TMEM132D: variants seen among roughly 807,000 people sequenced by gnomAD.
TMEM132D encodes mature OL transmembrane protein.
TMEM132D carries 21 observed loss-of-function variants against 62.3 expected under a neutral mutation model. The observed-to-expected ratio is 0.34, with a 90% confidence interval of 0.24 to 0.49. TMEM132D has a LOEUF of 0.49. Ranked by LOEUF, TMEM132D falls within the 20% of genes least tolerant of loss-of-function variation. The pLI, the probability that TMEM132D is intolerant of heterozygous loss-of-function variation, is 0.99. For missense variants in TMEM132D, 1,346 were observed against 1,402.8 expected (o/e 0.96, Z 0.65); for synonymous variants, 621 against 575.6 (o/e 1.08, Z -1.13).
chr12:129,353,024 C>T (rs896922812), intron 3 of TMEM132D, among the ~76,000 whole-genome samples: 1 of 152,080 alleles, frequency 6.6e-6, no homozygotes, highest in Admixed American at 6.5e-5. Flanking sequence ...ATCCAAGAAC[C>T]CTCTCTTGGG....
chr12:129,422,095 T>TAAAAAAA (rs10633587), intron 3 of TMEM132D, among the ~76,000 whole-genome samples: 45 of 139,532 alleles, frequency 3.2e-4, no homozygotes, highest in African/African-American at 1.1e-3. Flanking sequence ...ACAGCAATGT[T>TAAAAAAA]AAAAAAAAAA....
intron 2 of TMEM132D, among the ~76,000 whole-genome samples, chr12:129,555,587 C>T (rs1169014724): frequency 2.0e-5 from 3 of 152,134 alleles, no homozygotes; most frequent in Non-Finnish European, 4.4e-5. Flanking sequence ...ACTTATTTTG[C>T]AGATCATATT....
At chr12:129,790,623 TG>T (rs940115461) in intron 1 of TMEM132D, among the ~76,000 whole-genome samples, 3 of 151,882 alleles carry the variant, frequency 2.0e-5, no homozygotes, top group Non-Finnish European at 2.9e-5. Context: ...CGGCACAGGA[TG>T]GGGGGGCAGG....
At position 129,653,322 on chromosome 12, in the gene TMEM132D, T is replaced by G. The variant is rs965723268; in HGVS notation, c.968+46488A>C. ...CACACAGCCAGGGCTTCCGGCTAAGTGCAATGTGAAGGTGCTGGAACAGCT... is the reference window on the plus strand; with the variant it reads ...CACACAGCCAGGGCTTCCGGCTAAGGGCAATGTGAAGGTGCTGGAACAGCT... On this transcript the variant is annotated intron_variant, in intron 2 of 8. Coordinates refer to ENST00000422113, the MANE Select transcript of TMEM132D (RefSeq NM_133448.3). Among the ~76,000 whole-genome samples the G allele has an allele frequency of 1.5e-3, 227 of 152,104 alleles. 4 individuals carry two copies. The highest frequency in any genetic ancestry group is 3.4e-4 in the Non-Finnish European group (23 of 68,038).
In TMEM132D at chr12:129,700,069, C is replaced by T. The variant is rs766335074; in HGVS notation, c.709G>A (p.Gly237Arg). The T allele has an allele frequency of 1.9e-6, 3 of 1,613,672 alleles. No homozygotes were observed. Among genetic ancestry groups the T allele is most frequent in the Middle Eastern group, 1.6e-4 (1 of 6,084 alleles). Reference sequence around the variant, plus strand: ...CTCGCGTCTTCCCTGACGCAGTCCCCTCTCTCACCCCCTGGGTGCACGGTG... The same window carrying T: ...CTCGCGTCTTCCCTGACGCAGTCCCTTCTCTCACCCCCTGGGTGCACGGTG... ...YYTVHPGGER[G>R]DCVREDARRS... Residue 237 changes from glycine (G) to arginine (R), a missense_variant, in exon 2 of 9, where the codon GGG becomes AGG. Coordinates refer to ENST00000422113, the MANE Select transcript of TMEM132D (RefSeq NM_133448.3).
At chr12:129,524,695 T>C (rs892049298) in intron 3 of TMEM132D, among the ~76,000 whole-genome samples, 2 of 151,794 alleles carry the variant, frequency 1.3e-5, no homozygotes, top group African/African-American at 4.8e-5. Context: ...TAAATCTTAT[T>C]AGCCAGATAC....
chr12:129,809,785 T>G (rs1292007733), intron 1 of TMEM132D, among the ~76,000 whole-genome samples: 1 of 152,092 alleles, frequency 6.6e-6, no homozygotes, highest in Non-Finnish European at 1.5e-5. Flanking sequence ...ATATACATGA[T>G]GAAAAGTAGC....
intron 4 of TMEM132D, chr12:129,262,256 T>C (rs1880569101): frequency 6.6e-6 from 1 of 152,250 alleles, no homozygotes; most frequent in African/African-American, 2.4e-5. Flanking sequence ...TTGAAAATAT[T>C]AGTGCACAGA....
intron 4 of TMEM132D, among the ~76,000 whole-genome samples, chr12:129,238,614 A>C (rs1334942922): frequency 6.6e-6 from 1 of 152,242 alleles, no homozygotes; most frequent in South Asian, 2.1e-4. Flanking sequence ...TTCACTTAGA[A>C]AAATGTCCTC....
At position 129,073,551 on chromosome 12, in the gene TMEM132D, ATTGCT is replaced by A. The variant is rs1457635464; in HGVS notation, c.*319_*323del. 4.1e-6 allele frequency: 1 copy of A among 244,712 alleles called. No homozygotes were observed. The highest frequency in any genetic ancestry group is 5.2e-5 in the Admixed American group (1 of 19,370). 15.2% of individuals were successfully genotyped at this position (244,712 alleles called of 1,614,324 possible). On this transcript the variant is annotated 3_prime_UTR_variant, in exon 9 of 9. Transcript: ENST00000422113. Reference sequence around the variant, plus strand: ...GCCATGTGGATTTTACAATATCCAAATTGCTTTGATTCGAGAGAGAGAGGCTGTTC... The same window carrying A: ...GCCATGTGGATTTTACAATATCCAAATTGATTCGAGAGAGAGAGGCTGTTC...
intron 5 of TMEM132D, among the ~76,000 whole-genome samples, chr12:129,202,149 C>T (rs1878722995): frequency 6.6e-6 from 1 of 152,194 alleles, no homozygotes; most frequent in African/African-American, 2.4e-5. Flanking sequence ...GAAGCCCACA[C>T]CAGCCTGTTG....
intron 4 of TMEM132D, among the ~76,000 whole-genome samples, chr12:129,253,725 C>CTCTTT (rs759090531): frequency 4.6e-5 from 7 of 152,266 alleles, no homozygotes; most frequent in African/African-American, 1.2e-4. Context: ...GGCTGCCTTT[C>CTCTTT]TCTTTTCTTT....
intron 3 of TMEM132D, among the ~76,000 whole-genome samples, chr12:129,395,653 TTATAAGA>T (rs1216954992): frequency 6.6e-6 from 1 of 151,340 alleles, no homozygotes; most frequent in Non-Finnish European, 1.5e-5. Context: ...TGAGATGTAC[TTATAAGA>T]TAAAATACTA....
At chr12:129,765,681 T>C (rs1209199203) in intron 1 of TMEM132D, among the ~76,000 whole-genome samples, 2 of 152,204 alleles carry the variant, frequency 1.3e-5, no homozygotes, top group Admixed American at 6.5e-5. Flanking sequence ...CCTTGTGTGC[T>C]TCCTTTTTAC....
At chr12:129,199,319 C>T (rs1176907582) in intron 5 of TMEM132D, among the ~76,000 whole-genome samples, 1 of 152,096 alleles carries the variant, frequency 6.6e-6, no homozygotes, top group Non-Finnish European at 1.5e-5. Context: ...TCAGGCTGGT[C>T]TCGAACTCCT....
chr12:129,337,703 C>T lies in TMEM132D; in HGVS notation c.1230G>A (p.Thr410=), dbSNP rs759081670. ...AGATCTTGGACACTCCCAAGTCAGA[C>T]GTGATCTCTCCGGGGTACTCGACCT... The part of the protein sequence containing the change: ...TWQVEYPGEI[T]SDLGVSKIYV... Residue 410 remains threonine, a synonymous_variant, in exon 4 of 9, where the codon ACG becomes ACA. Transcript: ENST00000422113. 13 of 1,614,100 alleles carry T rather than the reference C, an allele frequency of 8.1e-6. No individual in the cohort carries two copies. The East Asian group carries it at 1.1e-4, about 14-fold the overall frequency.
At chr12:129,426,203 C>A (rs73422547) in intron 3 of TMEM132D, among the ~76,000 whole-genome samples, 2,667 of 152,262 alleles carry the variant, frequency 0.018, 75 homozygotes, top group African/African-American at 0.06. Flanking sequence ...GTTTTCATCC[C>A]ATGACTGCCT....
intron 1 of TMEM132D, among the ~76,000 whole-genome samples, chr12:129,751,378 G>A (rs904999949): frequency 6.6e-6 from 1 of 152,180 alleles, no homozygotes; most frequent in Non-Finnish European, 1.5e-5. Context: ...ACAGCAAGGG[G>A]TAAATCCACC....
chr12:129,754,488 T>C lies in TMEM132D; in HGVS notation c.80-53790A>G, dbSNP rs138598719. On this transcript the variant is annotated intron_variant, in intron 1 of 8. Coordinates refer to ENST00000422113, the MANE Select transcript of TMEM132D (RefSeq NM_133448.3). Reference sequence around the variant, plus strand: ...GCTCTGAAAGAATCCAGGTTGTGACTGATAGAATGAGGTCTGGACCACACA... The same window carrying C: ...GCTCTGAAAGAATCCAGGTTGTGACCGATAGAATGAGGTCTGGACCACACA... Among the ~76,000 whole-genome samples the C allele has an allele frequency of 3.2e-4, 49 of 152,242 alleles. 1 individual carries two copies. The highest frequency in any genetic ancestry group is 1.0e-3 in the African/African-American group (43 of 41,544).
Sources: gnomAD v4.1 joint callset for allele counts (sites outside exome capture counted in the v4.1 genomes callset) on GRCh38, gnomAD v4.1.1 for gene constraint, MANE v1.5 for transcripts, NCBI Gene and HGNC (gene_info 2026-07-23, HGNC 2026-07-21) for gene names.